Variants in PHKA1 observed in about 807,000 individuals in gnomAD.
PHKA1 encodes phosphorylase b kinase regulatory subunit alpha, skeletal muscle isoform.
A neutral mutation model predicts 110.2 loss-of-function variants in PHKA1; 60 were observed. The ratio of observed to expected loss-of-function variants is 0.54; its 90% CI spans 0.44 to 0.68. The LOEUF (loss-of-function observed/expected upper bound fraction) is 0.68. Among genes scored for constraint, PHKA1 ranks in the 30% least tolerant of loss-of-function variants. PHKA1 has a pLI of 0.00. For missense variants in PHKA1, 801 were observed against 942.5 expected (o/e 0.85, Z 1.97); for synonymous variants, 316 against 333.6 (o/e 0.95, Z 0.58).
At chrX:72,641,597 T>TTAC (rs2147742579) in intron 14 of PHKA1, among the ~76,000 whole-genome samples, 1 of 111,470 alleles carries the variant, frequency 9.0e-6, no homozygotes, top group East Asian at 2.8e-4. Context: ...TTGATTAATC[T>TTAC]CATAATTTAA....
chrX:72,678,631 C>A (rs2053807648), intron 5 of PHKA1, among the ~76,000 whole-genome samples: 1 of 112,341 alleles, frequency 8.9e-6, no homozygotes, highest in Non-Finnish European at 1.9e-5. Context: ...CATCAGTCAA[C>A]AAATAATGTC....
intron 4 of PHKA1, among the ~76,000 whole-genome samples, chrX:72,690,049 T>G (rs2054015618): frequency 8.9e-6 from 1 of 112,159 alleles, no homozygotes; most frequent in South Asian, 3.7e-4. Flanking sequence ...TGACCATTTT[T>G]AATTAGGTTA....
chrX:72,670,486 A>G (rs1208878189), intron 6 of PHKA1, among the ~76,000 whole-genome samples: 1 of 112,097 alleles, frequency 8.9e-6, no homozygotes. Context: ...ATGGATCCAC[A>G]GCAGAATTCT....
chrX:72,622,309 C>A (rs2052991083), intron 18 of PHKA1: 3 of 751,956 alleles, frequency 4.0e-6, no homozygotes, highest in Middle Eastern at 7.4e-4. Flanking sequence ...TTTCTTTTCT[C>A]CAACATACCA....
intron 5 of PHKA1, among the ~76,000 whole-genome samples, chrX:72,682,193 C>T (rs1346467460): frequency 3.4e-5 from 3 of 87,348 alleles, no homozygotes; most frequent in Non-Finnish European, 6.9e-5. Context: ...CCGCCCCGTC[C>T]GGGAGGGAGG....
intron 2 of PHKA1, among the ~76,000 whole-genome samples, chrX:72,706,631 A>G (rs1245483077): frequency 1.8e-5 from 2 of 111,161 alleles, no homozygotes; most frequent in African/African-American, 6.5e-5. Context: ...GCCTAAAGGA[A>G]CTCATTTTAA....
intron 13 of PHKA1, among the ~76,000 whole-genome samples, chrX:72,645,906 A>G (rs2053354480): frequency 1.8e-5 from 2 of 111,907 alleles, no homozygotes; most frequent in Admixed American, 1.9e-4. Context: ...GCTTCTGCAA[A>G]GTGTTGATGC....
chrX:72,681,364 C>T (rs1556314987), intron 5 of PHKA1, among the ~76,000 whole-genome samples: 1 of 113,143 alleles, frequency 8.8e-6, no homozygotes, highest in African/African-American at 3.2e-5. Context: ...AGCCTCTCCG[C>T]CCGGCAGCCA....
At chrX:72,633,335 T>G (rs1183779293) in intron 16 of PHKA1, among the ~76,000 whole-genome samples, 1 of 110,971 alleles carries the variant, frequency 9.0e-6, no homozygotes, top group Admixed American at 9.6e-5. Flanking sequence ...TTTCTGTCCC[T>G]TCTACAATGT....
chrX:72,667,257 G>T, intron 7 of PHKA1, 118 bp downstream of exon 7: 1 of 554,223 alleles, frequency 1.8e-6, no homozygotes, highest in Non-Finnish European at 3.1e-6. Context: ...TTGGTACATG[G>T]TAATTAATCA....
intron 4 of PHKA1, among the ~76,000 whole-genome samples, chrX:72,691,990 G>A (rs979749392): frequency 8.9e-6 from 1 of 112,069 alleles, no homozygotes; most frequent in Non-Finnish European, 1.9e-5. Context: ...CATGTTAGCT[G>A]TGGATTTTCA....
At chrX:72,590,093 AC>A (rs1392543968) in intron 29 of PHKA1, among the ~76,000 whole-genome samples, 5 of 111,850 alleles carry the variant, frequency 4.5e-5, no homozygotes, top group Non-Finnish European at 7.5e-5. Flanking sequence ...TTCATATGGA[AC>A]CAAAAAAGAG....
chrX:72,584,998 G>A (rs1556210036), intron 29 of PHKA1, among the ~76,000 whole-genome samples: 1 of 103,033 alleles, frequency 9.7e-6, no homozygotes, highest in Non-Finnish European at 2.0e-5. Flanking sequence ...GAGAACACGC[G>A]GTGTTTGGTT....
chrX:72,693,746 C>T (rs2054069894), intron 4 of PHKA1, among the ~76,000 whole-genome samples: 2 of 111,485 alleles, frequency 1.8e-5, no homozygotes, highest in African/African-American at 6.5e-5. Context: ...GAGGATGTAT[C>T]TCCTTACCTC....
intron 2 of PHKA1, among the ~76,000 whole-genome samples, chrX:72,711,748 C>A (rs1480219971): frequency 1.8e-5 from 2 of 110,070 alleles, no homozygotes; most frequent in Non-Finnish European, 3.8e-5. Flanking sequence ...GTCTCAACAA[C>A]AACAAAAAAA....
At chrX:72,584,997 C>A (rs549925162) in intron 29 of PHKA1, among the ~76,000 whole-genome samples, 1 of 103,180 alleles carries the variant, frequency 9.7e-6, no homozygotes, top group East Asian at 3.2e-4. Context: ...TGAGAACACG[C>A]GGTGTTTGGT....
chrX:72,660,812 G>T (rs1214369812), intron 8 of PHKA1: 5 of 218,376 alleles, frequency 2.3e-5, no homozygotes, highest in African/African-American at 1.5e-4. Context: ...ACTGACAGAA[G>T]AAAACTATTG....
At chrX:72,643,786 T>G (rs1281362107) in intron 14 of PHKA1, among the ~76,000 whole-genome samples, 1 of 111,760 alleles carries the variant, frequency 8.9e-6, no homozygotes, top group Non-Finnish European at 1.9e-5. Flanking sequence ...GTTCCAGGAA[T>G]TAGGACTTGT....
At chrX:72,628,820 T>C (rs2053125895) in intron 16 of PHKA1, among the ~76,000 whole-genome samples, 1 of 108,524 alleles carries the variant, frequency 9.2e-6, no homozygotes, top group African/African-American at 3.4e-5. Context: ...TGACCTCAAG[T>C]ATCCTCCCGC....
Sources: gnomAD v4.1 joint callset for allele counts (sites outside exome capture counted in the v4.1 genomes callset) on GRCh38, gnomAD v4.1.1 for gene constraint, MANE v1.5 for transcripts, NCBI Gene and HGNC (gene_info 2026-07-23, HGNC 2026-07-21) for gene names.